DCLK1: variants seen among roughly 807,000 people sequenced by gnomAD.
DCLK1 encodes the protein doublecortin like kinase 1, also known as serine/threonine-protein kinase DCLK1.
Under a neutral mutation model 86.2 loss-of-function variants are expected in DCLK1, and 16 were observed. That is an observed-to-expected ratio of 0.19 (90% confidence interval 0.13 to 0.28). The LOEUF is 0.28. DCLK1 is among the 10% of genes least tolerant of loss of function. The pLI, the probability that DCLK1 is intolerant of heterozygous loss-of-function variation, is 1.00. For missense variants in DCLK1, 590 were observed against 940.2 expected (o/e 0.63, Z 4.87); for synonymous variants, 369 against 370.5 (o/e 1.00, Z 0.05).
At chr13:35,959,444 A>G (rs1593770183) in intron 3 of DCLK1, among the ~76,000 whole-genome samples, 1 of 151,672 alleles carries the variant, frequency 6.6e-6, no homozygotes, top group East Asian at 1.9e-4. Flanking sequence ...GACCTGGAAC[A>G]CCCCCCCACC....
chr13:36,090,020 T>C (rs1256973296), intron 3 of DCLK1, among the ~76,000 whole-genome samples: 2 of 152,244 alleles, frequency 1.3e-5, no homozygotes, highest in Non-Finnish European at 2.9e-5. Flanking sequence ...GTTAATAACC[T>C]AGCACTATTT....
chr13:36,114,091 A>G (rs529366506), intron 2 of DCLK1, among the ~76,000 whole-genome samples: 1 of 152,364 alleles, frequency 6.6e-6, no homozygotes, highest in East Asian at 1.9e-4. Flanking sequence ...AAAGATACAG[A>G]GAGCAGTTTA....
intron 3 of DCLK1, among the ~76,000 whole-genome samples, chr13:35,977,052 T>C (rs1331794796): frequency 6.6e-6 from 1 of 152,224 alleles, no homozygotes; most frequent in Non-Finnish European, 1.5e-5. Context: ...AAGCTTCATT[T>C]GTGAAACTTG....
Position 35,847,716 on chromosome 13 carries a change from A to G in DCLK1, c.1035+6783T>C. ...TGTGTTGGAAATTCCCCGGCTGGTT[A>G]TGTAGGGTATATATATATATAGTAC... On this transcript the variant is annotated intron_variant, in intron 6 of 16. Transcript: ENST00000360631. 5 of 984,670 alleles carry G rather than the reference A, an allele frequency of 5.1e-6. No homozygotes were observed. In the South Asian group the frequency reaches 2.4e-4, roughly 46 times the overall value. 61.0% of individuals were successfully genotyped at this position (984,670 alleles called of 1,614,324 possible). A position where few individuals can be genotyped will look rare whatever the true frequency, so the allele number is the denominator to read the frequency against.
chr13:36,062,409 C>A (rs1883584514), intron 3 of DCLK1, among the ~76,000 whole-genome samples: 1 of 152,040 alleles, frequency 6.6e-6, no homozygotes, highest in African/African-American at 2.4e-5. Flanking sequence ...GTGTTGAGAA[C>A]CTAAGGTTCA....
intron 3 of DCLK1, among the ~76,000 whole-genome samples, chr13:35,958,060 CCACTAG>C (rs1477216955): frequency 5.2e-5 from 4 of 76,292 alleles, no homozygotes; most frequent in African/African-American, 1.3e-4. Context: ...ACCACTATAA[CCACTAG>C]CACCACCACC....
intron 15 of DCLK1, among the ~76,000 whole-genome samples, chr13:35,795,454 G>A (rs2086789068): frequency 6.6e-6 from 1 of 152,160 alleles, no homozygotes; most frequent in South Asian, 2.1e-4. Context: ...TAAGAAATGT[G>A]AAGGACTACC....
At chr13:36,043,847 A>G (rs571951417) in intron 3 of DCLK1, among the ~76,000 whole-genome samples, 4 of 152,294 alleles carry the variant, frequency 2.6e-5, no homozygotes, top group African/African-American at 4.8e-5. Flanking sequence ...TTTTACATGT[A>G]TCCTTTGTTA....
rs1869615738 is a variant in DCLK1 at position 35,839,181 on chromosome 13, A to C, written c.1036-5T>G. 2 of 1,572,320 alleles carry C rather than the reference A, an allele frequency of 1.3e-6. No individual in the cohort carries two copies. The highest frequency in any genetic ancestry group is 3.8e-5 in the Admixed American group (2 of 52,940). On this transcript the variant is annotated splice_polypyrimidine_tract_variant and splice_region_variant and intron_variant, in intron 6 of 16. Transcript: ENST00000360631. ...GGAGCCGCCATGCTGAGAGCTCTGT[A>C]GGGGAACAGAAACCGGTAATTCAAA... is the stretch of plus-strand genomic sequence containing the variant.
At chr13:35,912,439 C>G (rs1324922964) in intron 4 of DCLK1, among the ~76,000 whole-genome samples, 1 of 152,122 alleles carries the variant, frequency 6.6e-6, no homozygotes, top group Non-Finnish European at 1.5e-5. Flanking sequence ...TATAAAGACC[C>G]CAGACTCAGC....
intron 3 of DCLK1, among the ~76,000 whole-genome samples, chr13:35,963,109 T>C (rs778924437): frequency 5.3e-5 from 8 of 152,210 alleles, no homozygotes; most frequent in East Asian, 1.9e-4. Context: ...TCTCCTCATC[T>C]TGACTCTGTA....
At chr13:36,128,672 C>CT (rs1886268467) in intron 1 of DCLK1, among the ~76,000 whole-genome samples, 1 of 152,270 alleles carries the variant, frequency 6.6e-6, no homozygotes, top group East Asian at 1.9e-4. Flanking sequence ...GTTCAGTGTA[C>CT]TTTTTTCCCT....
At chr13:35,842,965 T>G (rs1200680137) in intron 6 of DCLK1, among the ~76,000 whole-genome samples, 2 of 152,156 alleles carry the variant, frequency 1.3e-5, no homozygotes, top group Non-Finnish European at 2.9e-5. Context: ...TTATTATCCT[T>G]AAGTCCAACG....
In DCLK1 at chr13:36,102,052, G is replaced by A. The variant is rs534579783; in HGVS notation, c.723+9817C>T. Among the ~76,000 whole-genome samples the A allele has an allele frequency of 4.6e-5, 7 of 152,134 alleles. No homozygotes were observed. The East Asian group carries it at 1.4e-3, about 29-fold the overall frequency. ...GCCACCGCACCTGGCCGATAGTGAG[G>A]TTTTTAAGAATACTGATGAAGCATA... On this transcript the variant is annotated intron_variant, in intron 3 of 16. Coordinates refer to ENST00000360631, the MANE Select transcript of DCLK1 (RefSeq NM_001330071.2).
At chr13:35,925,462 A>T (rs1876061320) in intron 4 of DCLK1, among the ~76,000 whole-genome samples, 1 of 152,248 alleles carries the variant, frequency 6.6e-6, no homozygotes. Context: ...TGCAGAAACG[A>T]TGCCATATAT....
intron 8 of DCLK1, among the ~76,000 whole-genome samples, 173 bp from the exon 9 acceptor site, chr13:35,828,480 G>A (rs1868669839): frequency 6.6e-6 from 1 of 152,004 alleles, no homozygotes; most frequent in African/African-American, 2.4e-5. Flanking sequence ...AAACGTTGAT[G>A]GACTGACCAA....
chr13:35,985,138 T>C (rs1469668239), intron 3 of DCLK1, among the ~76,000 whole-genome samples: 2 of 152,254 alleles, frequency 1.3e-5, no homozygotes, highest in East Asian at 3.9e-4. Flanking sequence ...AATCTGGAAA[T>C]CTTTCTGATT....
At chr13:35,929,732 G>A (rs1041267873) in intron 4 of DCLK1, among the ~76,000 whole-genome samples, 3 of 152,122 alleles carry the variant, frequency 2.0e-5, no homozygotes, top group African/African-American at 7.2e-5. Context: ...TTGACTAGGA[G>A]TGATATGAAC....
chr13:36,129,712 G>A (rs575390598), intron 1 of DCLK1, among the ~76,000 whole-genome samples: 1 of 152,306 alleles, frequency 6.6e-6, no homozygotes, highest in South Asian at 2.1e-4. Flanking sequence ...GTGGCCAAGG[G>A]CCTGAGTGCA....
Sources: gnomAD v4.1 joint callset for allele counts (sites outside exome capture counted in the v4.1 genomes callset) on GRCh38, gnomAD v4.1.1 for gene constraint, MANE v1.5 for transcripts, NCBI Gene and HGNC (gene_info 2026-07-23, HGNC 2026-07-21) for gene names.